The following KIAA0232 variants were observed in gnomAD, a reference collection of about 807,000 sequenced individuals.
The protein encoded by KIAA0232 is KIAA0232, also known as uncharacterized protein KIAA0232.
Under a neutral mutation model 122.0 loss-of-function variants are expected in KIAA0232, and 27 were observed. The ratio of observed to expected loss-of-function variants is 0.22; its 90% CI spans 0.16 to 0.31. The LOEUF (loss-of-function observed/expected upper bound fraction) is 0.31. Among genes scored for constraint, KIAA0232 ranks in the 10% least tolerant of loss-of-function variants. KIAA0232 has a pLI of 1.00. For synonymous variants in KIAA0232, 613 were observed against 587.6 expected (o/e 1.04, Z -0.63); for missense variants, 1,551 against 1,634.2 (o/e 0.95, Z 0.88).
rs369289730 is a variant in KIAA0232 at position 6,880,952 on chromosome 4, C to A, written c.4174C>A (p.Arg1392=). Residue 1392 remains arginine (R), a synonymous_variant, in exon 10 of 10, where the codon CGA becomes AGA. Coordinates refer to ENST00000307659, the MANE Select transcript of KIAA0232 (RefSeq NM_014743.3). ...CCCTAGTGAAGAGGAGCTCTTTTCT[C>A]GAACTCATCTCTAAACCTGCAAAAT... is the stretch of plus-strand genomic sequence containing the variant. ...VGPSEEELFS[R]THL is the part of the protein sequence containing the mutation. The A allele has an allele frequency of 1.9e-6, 3 of 1,556,350 alleles. No homozygotes were observed. Among genetic ancestry groups the A allele is most frequent in the Non-Finnish European group, 2.6e-6 (3 of 1,150,320 alleles).
chr4:6,867,719 G>A (rs938372267), intron 7 of KIAA0232, among the ~76,000 whole-genome samples: 2 of 152,180 alleles, frequency 1.3e-5, no homozygotes, highest in African/African-American at 4.8e-5. Flanking sequence ...CTGGTGATGT[G>A]CCACCCGGCA....
intron 1 of KIAA0232, among the ~76,000 whole-genome samples, chr4:6,802,665 T>C (rs1717436681): frequency 2.6e-5 from 4 of 151,934 alleles, no homozygotes; most frequent in Admixed American, 2.0e-4. Context: ...GAATGCTTCA[T>C]CTTCACGTCT....
chr4:6,883,971 T>C lies in KIAA0232; in HGVS notation c.*3005T>C, dbSNP rs571600199. 1 of 152,334 alleles carries C rather than the reference T, an allele frequency of 6.6e-6. No individual in the cohort carries two copies. The highest frequency in any genetic ancestry group is 1.5e-5 in the Non-Finnish European group (1 of 68,024). The allele number at this position is 152,334 out of a possible 1,614,324, so 9.4% of individuals were successfully genotyped here. On this transcript the variant is annotated 3_prime_UTR_variant, in exon 10 of 10. Transcript: ENST00000307659. ...TCAGATGTCTTCATGTCGGTAATTA[T>C]AGAACTACATAATTATTTTTATAGC...
In KIAA0232 at chr4:6,862,434, A is replaced by G; in HGVS notation, c.2052A>G (p.Thr684=). The G allele has an allele frequency of 1.9e-6, 3 of 1,614,206 alleles. No homozygotes were observed. Among genetic ancestry groups the G allele is most frequent in the Non-Finnish European group, 2.5e-6 (3 of 1,180,030 alleles). The change falls in exon 7 of 10, where the codon ACA becomes ACG. Residue 684 remains threonine (T), a synonymous_variant. Coordinates refer to ENST00000307659, the MANE Select transcript of KIAA0232 (RefSeq NM_014743.3). ...TDSSANMLGK[T]QSRLLIWTKN... Reference sequence around the variant, plus strand: ...CTAGTGCTAATATGCTTGGGAAAACACAGTCTAGATTGCTAATATGGACCA... The same window carrying G: ...CTAGTGCTAATATGCTTGGGAAAACGCAGTCTAGATTGCTAATATGGACCA...
intron 4 of KIAA0232, among the ~76,000 whole-genome samples, chr4:6,848,498 C>T (rs527459409): frequency 2.1e-4 from 32 of 152,266 alleles, no homozygotes; most frequent in African/African-American, 7.0e-4. Flanking sequence ...CAACTACACC[C>T]ATAGCATTTA....
chr4:6,853,060 G>A (rs1201553185), intron 4 of KIAA0232, among the ~76,000 whole-genome samples: 1 of 152,138 alleles, frequency 6.6e-6, no homozygotes, highest in Non-Finnish European at 1.5e-5. Context: ...GGGATACTAG[G>A]CACCCCTGAG....
intron 8 of KIAA0232, among the ~76,000 whole-genome samples, chr4:6,876,323 CTG>C (rs1721755128): frequency 1.3e-5 from 2 of 152,200 alleles, no homozygotes; most frequent in Admixed American, 1.3e-4. Flanking sequence ...GTGGGTCTCT[CTG>C]TCGTGTGTTC....
Position 6,876,689 on chromosome 4 carries a change from G to A in KIAA0232, c.3940G>A (p.Gly1314Ser). The A allele has an allele frequency of 1.2e-6, 2 of 1,612,936 alleles. No homozygotes were observed. Among genetic ancestry groups the A allele is most frequent in the Non-Finnish European group, 1.7e-6 (2 of 1,178,944 alleles). The change falls in exon 9 of 10, where the codon GGT becomes AGT. Residue 1314 changes from glycine (G) to serine (S), a missense_variant. By Grantham distance (56) the Gly-to-Ser change is moderately conservative. Coordinates refer to ENST00000307659, the MANE Select transcript of KIAA0232 (RefSeq NM_014743.3). ...TTACACAAATGCCAAGGGAGAGAGTGGTTTAGAAGAATATCCAGATGCTAA... is the reference window on the plus strand; with the variant it reads ...TTACACAAATGCCAAGGGAGAGAGTAGTTTAGAAGAATATCCAGATGCTAA... ...ECYTNAKGES[G>S]LEEYPDAKET...
chr4:6,825,761 C>A (rs565725126), intron 3 of KIAA0232, among the ~76,000 whole-genome samples: 10 of 152,194 alleles, frequency 6.6e-5, no homozygotes, highest in Non-Finnish European at 1.3e-4. Context: ...CACATAAAAT[C>A]TTTTGGTTTT....
At chr4:6,871,202 C>A (rs918007270) in intron 7 of KIAA0232, among the ~76,000 whole-genome samples, 1 of 152,100 alleles carries the variant, frequency 6.6e-6, no homozygotes, top group African/African-American at 2.4e-5. Context: ...GGAGGCCAAG[C>A]TTGGCAGATT....
intron 3 of KIAA0232, among the ~76,000 whole-genome samples, chr4:6,829,575 T>A (rs966972867): frequency 6.6e-6 from 1 of 152,244 alleles, no homozygotes; most frequent in Non-Finnish European, 1.5e-5. Flanking sequence ...ATGTAAGGAT[T>A]GCCTTATTCA....
intron 3 of KIAA0232, among the ~76,000 whole-genome samples, chr4:6,841,247 T>G (rs948417141): frequency 4.6e-5 from 7 of 152,250 alleles, no homozygotes; most frequent in Non-Finnish European, 1.0e-4. Flanking sequence ...GGGTAAGTTG[T>G]CCAGGCTCAA....
chr4:6,847,862 T>TAAA (rs5855933), intron 4 of KIAA0232, among the ~76,000 whole-genome samples: 6 of 148,894 alleles, frequency 4.0e-5, no homozygotes, highest in Admixed American at 1.3e-4. Flanking sequence ...ATTTCCCCCT[T>TAAA]AAAAAAAAAA....
chr4:6,795,364 G>T (rs912031806), intron 1 of KIAA0232, among the ~76,000 whole-genome samples: 2 of 152,114 alleles, frequency 1.3e-5, no homozygotes, highest in East Asian at 3.9e-4. Context: ...GAGCCACCGC[G>T]CCCGGCCCAC....
intron 3 of KIAA0232, among the ~76,000 whole-genome samples, chr4:6,837,779 C>T (rs534754130): frequency 5.1e-4 from 78 of 152,258 alleles, no homozygotes; most frequent in African/African-American, 1.9e-3. Context: ...CAGGCGTGGG[C>T]GGCGCGTGCC....
chr4:6,850,890 G>A (rs1258960206), intron 4 of KIAA0232, among the ~76,000 whole-genome samples: 1 of 152,088 alleles, frequency 6.6e-6, no homozygotes, highest in Non-Finnish European at 1.5e-5. Context: ...GGATGGTCTC[G>A]ATCTCTTGAC....
At chr4:6,783,386 C>G (rs1403984765) in intron 1 of KIAA0232, among the ~76,000 whole-genome samples, 2 of 152,176 alleles carry the variant, frequency 1.3e-5, no homozygotes, top group Admixed American at 1.3e-4. Flanking sequence ...CAGGTGTCGC[C>G]GCGCCGGGGC....
In KIAA0232 at chr4:6,855,477, T is replaced by TAA. The variant is rs952816099; in HGVS notation, c.370-1686_370-1685dup. On this transcript the variant is annotated intron_variant, in intron 4 of 9. Coordinates refer to ENST00000307659, the MANE Select transcript of KIAA0232 (RefSeq NM_014743.3). The surrounding 1 kb of genome is among the most constrained non-coding windows in gnomAD (Gnocchi z 4.3). The stretch of plus-strand genomic sequence containing the variant: ...GTAGAGCTTGCTTTTACACAGAGAG[T>TAA]AAGGAGTAAGCTCTTATTTTGCTGT... 1.3e-5 allele frequency among the ~76,000 whole-genome samples: 2 copies of TAA among 151,932 alleles called. No individual in the cohort carries two copies. Among genetic ancestry groups the TAA allele is most frequent in the Non-Finnish European group, 1.5e-5 (1 of 67,988 alleles).
chr4:6,809,140 G>T (rs1372602757), intron 2 of KIAA0232, among the ~76,000 whole-genome samples: 1 of 152,160 alleles, frequency 6.6e-6, no homozygotes, highest in Non-Finnish European at 1.5e-5. Context: ...AGCCGTGTCT[G>T]TGCTTTCTGA....
Sources: allele counts gnomAD v4.1 joint callset (sites outside exome capture counted in the v4.1 genomes callset), GRCh38; gene constraint gnomAD v4.1.1; non-coding constraint Gnocchi (gnomAD v3.1); transcripts MANE v1.5; gene names NCBI Gene and HGNC (gene_info 2026-07-23, HGNC 2026-07-21).